ANKRD12: variants seen among roughly 807,000 people sequenced by gnomAD.
ANKRD12 encodes the protein ankyrin repeat domain 12.
ANKRD12 carries 85 observed loss-of-function variants against 183.4 expected under a neutral mutation model. That is an observed-to-expected ratio of 0.46 (90% confidence interval 0.39 to 0.56). The LOEUF (loss-of-function observed/expected upper bound fraction) is 0.56. Ranked by LOEUF, ANKRD12 falls within the 20% of genes least tolerant of loss-of-function variation. ANKRD12 has a pLI of 0.00. For missense variants in ANKRD12, 2,405 were observed against 2,357.1 expected, an observed-to-expected ratio of 1.02 and a Z score of -0.42; for synonymous variants, 914 against 800.2, an observed-to-expected ratio of 1.14 and a Z score of -2.40.
chr18:9,218,553 C>T (rs768131690), intron 7 of ANKRD12, among the ~76,000 whole-genome samples: 2 of 152,106 alleles, frequency 1.3e-5, no homozygotes, highest in Non-Finnish European at 2.9e-5. Context: ...AGAAATATAA[C>T]GGTTCTGTAG....
At chr18:9,162,371 G>A (rs2031543368) in intron 1 of ANKRD12, among the ~76,000 whole-genome samples, 1 of 152,152 alleles carries the variant, frequency 6.6e-6, no homozygotes, top group Non-Finnish European at 1.5e-5. Flanking sequence ...CTCTGCAAAG[G>A]ACATGATCTC....
At chr18:9,149,419 ATACT>A (rs1238218199) in intron 1 of ANKRD12, among the ~76,000 whole-genome samples, 3 of 152,236 alleles carry the variant, frequency 2.0e-5, no homozygotes, top group Non-Finnish European at 4.4e-5. Flanking sequence ...TTTATTGAAC[ATACT>A]TTTCATGATA....
chr18:9,266,680 C>A lies in ANKRD12; in HGVS notation c.5763+2792C>A, dbSNP rs2039308289. Among the ~76,000 whole-genome samples the A allele has an allele frequency of 2.6e-5, 4 of 152,264 alleles. No individual in the cohort carries two copies. In the South Asian group the frequency reaches 8.3e-4, roughly 32 times the overall value. On this transcript the variant is annotated intron_variant, in intron 10 of 12. Coordinates refer to ENST00000262126, the MANE Select transcript of ANKRD12 (RefSeq NM_015208.5). ...CAAAAACATGCCAAATTGTAAAGAC[C>A]ATCAATGCTAGGAAGAAATTGCATC...
At position 9,257,093 on chromosome 18, in the gene ANKRD12, C is replaced by G; in HGVS notation, c.3826C>G (p.Pro1276Ala). 6.2e-7 allele frequency: 1 copy of G among 1,614,118 alleles called. No homozygotes were observed. Among genetic ancestry groups the G allele is most frequent in the Non-Finnish European group, 8.5e-7 (1 of 1,180,012 alleles). Reference sequence around the variant, plus strand: ...TGACTTGCCGGAGCGGATTAAACCACCATATGCAAACAGACTTTCAACATC... The same window carrying G: ...TGACTTGCCGGAGCGGATTAAACCAGCATATGCAAACAGACTTTCAACATC... ...LADLPERIKP[P>A]YANRLSTSHL... Residue 1276 changes from proline (P) to alanine (A), a missense_variant, in exon 9 of 13, where the codon CCA becomes GCA. Pro to Ala is a conservative substitution (Grantham distance 27). This residue lies in a region of ANKRD12 where 1,983 missense variants were observed against 1,725.9 expected (regional missense o/e 1.15). Transcript: ENST00000262126.
chr18:9,268,550 G>A (rs1254208167), intron 10 of ANKRD12, among the ~76,000 whole-genome samples: 1 of 152,104 alleles, frequency 6.6e-6, no homozygotes, highest in Non-Finnish European at 1.5e-5. Flanking sequence ...AGGCAGAAAA[G>A]GCCTTTGACA....
intron 8 of ANKRD12, among the ~76,000 whole-genome samples, chr18:9,240,396 A>T (rs1247978087): frequency 6.6e-6 from 1 of 152,126 alleles, no homozygotes; most frequent in Non-Finnish European, 1.5e-5. Flanking sequence ...GCTTCAAATG[A>T]TTGCTTCTTG....
chr18:9,259,519 C>G (rs1187165947), intron 9 of ANKRD12: 2 of 152,126 alleles, frequency 1.3e-5, no homozygotes, highest in African/African-American at 4.8e-5. Context: ...TTTTCTTACT[C>G]TTGCAAAGGT....
rs187403892 is a variant in ANKRD12, at chr18:9,257,815, T to A, written c.4548T>A (p.Asn1516Lys). ...SKHMSLSYVA[N>K]QEPGILQQKN... ...ATATGTCTTTGTCATATGTTGCTAA[T>A]CAAGAGCCAGGTATTTTACAACAAA... The change falls in exon 9 of 13, where the codon AAT (asparagine) becomes AAA (lysine). Residue 1516 changes from asparagine (N) to lysine (K), a missense_variant. Around this residue, in one of 7 missense-constraint regions of ANKRD12, gnomAD observed 1,983 missense variants for 1,725.9 expected, o/e 1.15. Transcript: ENST00000262126. 66 of 1,613,842 alleles carry A rather than the reference T, an allele frequency of 4.1e-5. 1 individual carries two copies. The South Asian group carries it at 6.7e-4, about 16-fold the overall frequency.
intron 1 of ANKRD12, among the ~76,000 whole-genome samples, chr18:9,155,744 A>G (rs1226940248): frequency 6.6e-6 from 1 of 151,712 alleles, no homozygotes; most frequent in East Asian, 1.9e-4. Context: ...TTCTTTGTTC[A>G]TGTCTTCTGA....
chr18:9,237,990 A>G (rs913172932), intron 8 of ANKRD12, among the ~76,000 whole-genome samples: 1 of 152,198 alleles, frequency 6.6e-6, no homozygotes, highest in Non-Finnish European at 1.5e-5. Flanking sequence ...TGACTCCTCC[A>G]TGGAACCTAG....
At chr18:9,162,752 A>C (rs2031594552) in intron 1 of ANKRD12, among the ~76,000 whole-genome samples, 1 of 152,134 alleles carries the variant, frequency 6.6e-6, no homozygotes, top group Non-Finnish European at 1.5e-5. Context: ...TCTGACTGGC[A>C]TGAGATGGTA....
At position 9,254,538 on chromosome 18, in the gene ANKRD12, C is replaced by A; in HGVS notation, c.1271C>A (p.Ser424Ter). 1 of 1,552,134 alleles carries A rather than the reference C, an allele frequency of 6.4e-7. No homozygotes were observed. Among genetic ancestry groups the A allele is most frequent in the South Asian group, 1.2e-5 (1 of 80,074 alleles). Residue 424 changes from serine (S) to a stop codon, truncating the protein, a stop_gained, in exon 9 of 13, where the codon TCA becomes TAA. Coordinates refer to ENST00000262126, the MANE Select transcript of ANKRD12 (RefSeq NM_015208.5). LOFTEE classifies it high-confidence loss of function. ...KKQKPSRVLY[S>*]STESSDEEAL... ...CAAAAGCCATCTAGGGTCTTATATT[C>A]AAGTACTGAAAGTTCTGATGAAGAA...
At chr18:9,148,555 A>G (rs971585844) in intron 1 of ANKRD12, among the ~76,000 whole-genome samples, 33 of 152,322 alleles carry the variant, frequency 2.2e-4, no homozygotes, top group African/African-American at 6.7e-4. Context: ...CTATTAGAAG[A>G]TAAATACAAC....
chr18:9,228,810 GT>G (rs2036873373), intron 8 of ANKRD12, among the ~76,000 whole-genome samples: 1 of 151,622 alleles, frequency 6.6e-6, no homozygotes, highest in South Asian at 2.1e-4. Context: ...GAGTTTTATA[GT>G]TTGATAGCCC....
chr18:9,274,896 T>C (rs962155894), intron 10 of ANKRD12, among the ~76,000 whole-genome samples: 1 of 152,050 alleles, frequency 6.6e-6, no homozygotes, highest in African/African-American at 2.4e-5. Context: ...TGACTTAAAA[T>C]ATGTTGGCCA....
intron 8 of ANKRD12, among the ~76,000 whole-genome samples, chr18:9,229,348 A>G (rs1484733023): frequency 6.6e-6 from 1 of 152,010 alleles, no homozygotes; most frequent in Non-Finnish European, 1.5e-5. Context: ...TGATATTTTG[A>G]TGGGGATTAC....
rs767317063 is a variant in ANKRD12, at chr18:9,257,167, G to C, written c.3900G>C (p.Glu1300Asp). Residue 1300 changes from glutamate (E) to aspartate (D), a missense_variant, in exon 9 of 13, where the codon GAG (glutamate) becomes GAC (aspartate). By Grantham distance (45) the Glu-to-Asp change is conservative. This residue lies in a region of ANKRD12 where 1,983 missense variants were observed against 1,725.9 expected (regional missense o/e 1.15). Coordinates refer to ENST00000262126, the MANE Select transcript of ANKRD12 (RefSeq NM_015208.5). ...SVEDVKLIIS[E>D]GRPTIEVRRC... The stretch of plus-strand genomic sequence containing the variant: ...AAGATGTTAAACTAATTATAAGCGA[G>C]GGGAGACCTACCATAGAAGTTCGAA... 1 of 1,613,958 alleles carries C rather than the reference G, an allele frequency of 6.2e-7. No homozygotes were observed. The highest frequency in any genetic ancestry group is 1.3e-5 in the African/African-American group (1 of 74,896).
At chr18:9,227,156 T>C (rs1197594425) in intron 8 of ANKRD12, among the ~76,000 whole-genome samples, 2 of 152,106 alleles carry the variant, frequency 1.3e-5, no homozygotes, top group Non-Finnish European at 2.9e-5. Context: ...TAATTTACAC[T>C]CATATACTTT....
At position 9,285,599 on chromosome 18, in the gene ANKRD12, T is replaced by C. The variant is rs895536895; in HGVS notation, c.*4473T>C. Reference sequence around the variant, plus strand: ...TTACCCAGATCTTAACTAGGCAGTTTGATAAATCCTGACAAATGTAAACAC... The same window carrying C: ...TTACCCAGATCTTAACTAGGCAGTTCGATAAATCCTGACAAATGTAAACAC... On this transcript the variant is annotated 3_prime_UTR_variant, in exon 13 of 13. Coordinates refer to ENST00000262126, the MANE Select transcript of ANKRD12 (RefSeq NM_015208.5). The C allele has an allele frequency of 2.1e-4, 32 of 152,168 alleles. No homozygotes were observed. Among genetic ancestry groups the C allele is most frequent in the African/African-American group, 7.5e-4 (31 of 41,448 alleles). 9.4% of individuals were successfully genotyped at this position (152,168 alleles called of 1,614,324 possible).
Sources: allele counts gnomAD v4.1 joint callset (sites outside exome capture counted in the v4.1 genomes callset), GRCh38; gene constraint gnomAD v4.1.1; regional missense constraint gnomAD v4.1.1; transcripts MANE v1.5; gene names NCBI Gene and HGNC (gene_info 2026-07-23, HGNC 2026-07-21).